SLC30A8: variants seen among roughly 807,000 people sequenced by gnomAD.
The protein encoded by SLC30A8 is solute carrier family 30 member 8, also known as proton-coupled zinc antiporter SLC30A8.
Under a neutral mutation model 36.9 loss-of-function variants are expected in SLC30A8, and 27 were observed. The ratio of observed to expected loss-of-function variants is 0.73; its 90% CI spans 0.54 to 1.01. The LOEUF (loss-of-function observed/expected upper bound fraction) is 1.01. Among genes scored for constraint, SLC30A8 ranks in the 50% least tolerant of loss-of-function variants. The pLI is 0.00. For synonymous variants in SLC30A8, 164 were observed against 172.4 expected, an observed-to-expected ratio of 0.95 and a Z score of 0.38; for missense variants, 439 against 452.0, an observed-to-expected ratio of 0.97 and a Z score of 0.26.
intron 2 of SLC30A8, among the ~76,000 whole-genome samples, chr8:117,070,509 T>A (rs1013589364): frequency 8.5e-5 from 13 of 152,216 alleles, no homozygotes; most frequent in African/African-American, 2.9e-4. Flanking sequence ...TCCCATGACA[T>A]CACTTCTGTC....
At chr8:117,115,742 G>A (rs1246636196) in intron 2 of SLC30A8, among the ~76,000 whole-genome samples, 3 of 152,018 alleles carry the variant, frequency 2.0e-5, no homozygotes, top group Non-Finnish European at 4.4e-5. Context: ...ACTTTCTTCA[G>A]AGTGGGTAGG....
intron 1 of SLC30A8, among the ~76,000 whole-genome samples, chr8:116,961,947 C>T (rs888164922): frequency 3.3e-5 from 5 of 151,918 alleles, no homozygotes; most frequent in Non-Finnish European, 7.4e-5. Context: ...ATCCCAACAC[C>T]GTTGCATTAG....
chr8:116,985,688 C>A (rs75997124), intron 1 of SLC30A8, among the ~76,000 whole-genome samples: 1 of 152,058 alleles, frequency 6.6e-6, no homozygotes, highest in African/African-American at 2.4e-5. Context: ...ACACTTCTAC[C>A]AACAATGCAT....
At chr8:117,044,780 A>G (rs1482555808) in intron 2 of SLC30A8, among the ~76,000 whole-genome samples, 1 of 152,210 alleles carries the variant, frequency 6.6e-6, no homozygotes, top group African/African-American at 2.4e-5. Flanking sequence ...CAAAAGCTGT[A>G]ACACAATTGG....
chr8:117,145,680 C>T (rs1399280216), intron 1 of SLC30A8, among the ~76,000 whole-genome samples: 5 of 152,064 alleles, frequency 3.3e-5, no homozygotes, highest in Non-Finnish European at 5.9e-5. Context: ...TTGACATCTG[C>T]CTTCCTGACT....
At chr8:117,042,966 G>A (rs1043756865) in intron 2 of SLC30A8, among the ~76,000 whole-genome samples, 12 of 152,172 alleles carry the variant, frequency 7.9e-5, no homozygotes, top group Non-Finnish European at 1.6e-4. Context: ...GTGAGCCACC[G>A]CGCCCAGGCT....
chr8:117,094,950 C>A (rs1313216021), intron 2 of SLC30A8, among the ~76,000 whole-genome samples: 1 of 152,214 alleles, frequency 6.6e-6, no homozygotes, highest in Non-Finnish European at 1.5e-5. Flanking sequence ...CCTGGCCAGG[C>A]TGTGACAGCA....
chr8:117,091,182 A>G (rs1203630398), intron 2 of SLC30A8, among the ~76,000 whole-genome samples: 1 of 152,052 alleles, frequency 6.6e-6, no homozygotes, highest in African/African-American at 2.4e-5. Flanking sequence ...ATGGTGTAAC[A>G]CCCCTAACTT....
chr8:117,023,441 A>G (rs1170729555), intron 1 of SLC30A8, among the ~76,000 whole-genome samples: 2 of 152,208 alleles, frequency 1.3e-5, no homozygotes, highest in African/African-American at 2.4e-5. Context: ...TTGTGGCACT[A>G]TTCACAATAG....
rs1401712548 is a variant in SLC30A8 at position 117,172,508 on chromosome 8, T to C, written c.965-28T>C. On this transcript the variant is annotated intron_variant, in intron 7 of 7. Coordinates refer to ENST00000456015, the MANE Select transcript of SLC30A8 (RefSeq NM_173851.3). ...TCGCCCATGCGTGTGCAATCAGTGC[T>C]AATCTCCCTGTGCTTCTTTATCAAC... 2.5e-6 allele frequency: 4 copies of C among 1,613,418 alleles called. No individual in the cohort carries two copies. The East Asian group carries it at 6.7e-5, about 27-fold the overall frequency.
At chr8:117,155,327 C>T (rs960549344) in intron 3 of SLC30A8, among the ~76,000 whole-genome samples, 1 of 152,184 alleles carries the variant, frequency 6.6e-6, no homozygotes, top group African/African-American at 2.4e-5. Context: ...ACACACTCCA[C>T]TTTCATACCC....
rs915429954 is a variant in SLC30A8, at chr8:117,022,232, A to G, written c.-265-16987A>G. On this transcript the variant is annotated intron_variant, in intron 1 of 10. Transcript: ENST00000427715. ...AAAAAAGAAAACAAGTTAAGTTCCT[A>G]TAAGAAAATAGATATATGATCTTGA... Among the ~76,000 whole-genome samples, 19 of 152,128 alleles carry G rather than the reference A, an allele frequency of 1.2e-4. 1 individual carries two copies. In the South Asian group the frequency reaches 1.7e-3, roughly 13 times the overall value.
At chr8:117,082,057 C>A (rs962301092) in intron 2 of SLC30A8, among the ~76,000 whole-genome samples, 1 of 152,156 alleles carries the variant, frequency 6.6e-6, no homozygotes, top group Non-Finnish European at 1.5e-5. Context: ...TAGAATAAGT[C>A]AAGTTTTGAG....
intron 2 of SLC30A8, among the ~76,000 whole-genome samples, chr8:117,125,811 G>A (rs1389503009): frequency 6.6e-6 from 1 of 151,916 alleles, no homozygotes; most frequent in African/African-American, 2.4e-5. Context: ...CAGTACAAAT[G>A]TACTTAAATT....
chr8:116,964,881 A>G (rs1814546098), intron 1 of SLC30A8, among the ~76,000 whole-genome samples: 2 of 152,204 alleles, frequency 1.3e-5, no homozygotes, highest in South Asian at 4.1e-4. Context: ...GTGTTAATGA[A>G]TTTCAAATTT....
chr8:117,161,910 A>G (rs933106376), intron 5 of SLC30A8, 22 bp downstream of exon 5: 1 of 1,601,608 alleles, frequency 6.2e-7, no homozygotes, highest in Non-Finnish European at 8.5e-7. Flanking sequence ...TTTACCCACC[A>G]TCCTAGTACT....
Position 117,064,666 on chromosome 8 carries a change from G to T in SLC30A8, c.-226+25408G>T, listed in dbSNP as rs148019694. ...TGACTCACCATCGGACAGCCGAAGA[G>T]CATTATCTCAGTGATCAGGGGACCC... On this transcript the variant is annotated intron_variant, in intron 2 of 10. Transcript: ENST00000427715. 2.1e-3 allele frequency among the ~76,000 whole-genome samples: 317 copies of T among 152,286 alleles called. 1 individual carries two copies. The highest frequency in any genetic ancestry group is 4.1e-3 in the Non-Finnish European group (277 of 68,030).
chr8:117,014,222 C>T (rs1191899638), intron 1 of SLC30A8, among the ~76,000 whole-genome samples: 1 of 152,152 alleles, frequency 6.6e-6, no homozygotes, highest in Non-Finnish European at 1.5e-5. Context: ...AATAAATATT[C>T]CCATTAGTAA....
At chr8:116,952,475 C>T (rs2130570668) in intron 1 of SLC30A8, among the ~76,000 whole-genome samples, 1 of 152,094 alleles carries the variant, frequency 6.6e-6, no homozygotes, top group East Asian at 1.9e-4. Context: ...GACAGAGTCT[C>T]CCTCTGTCAC....
Sources: allele counts gnomAD v4.1 joint callset (sites outside exome capture counted in the v4.1 genomes callset), GRCh38; gene constraint gnomAD v4.1.1; transcripts MANE v1.5; gene names NCBI Gene and HGNC (gene_info 2026-07-23, HGNC 2026-07-21).